FMNL2: variants seen among roughly 807,000 people sequenced by gnomAD.
FMNL2 encodes the protein formin like 2.
Under a neutral mutation model 130.2 loss-of-function variants are expected in FMNL2, and 51 were observed. That is an observed-to-expected ratio of 0.39 (90% CI 0.31 to 0.49). The LOEUF is 0.49. Among genes scored for constraint, FMNL2 ranks in the 20% least tolerant of loss-of-function variants. The pLI is 0.85. For missense variants in FMNL2, 977 were observed against 1,316.2 expected (o/e 0.74, Z 3.99); for synonymous variants, 465 against 467.1 (o/e 1.00, Z 0.06).
intron 2 of FMNL2, among the ~76,000 whole-genome samples, chr2:152,522,912 G>A (rs190457706): frequency 5.9e-5 from 9 of 152,236 alleles, no homozygotes; most frequent in African/African-American, 1.7e-4. Context: ...TAGATTTCCA[G>A]TCTAAAAATA....
At chr2:152,350,028 A>T (rs1682383928) in intron 1 of FMNL2, among the ~76,000 whole-genome samples, 1 of 152,152 alleles carries the variant, frequency 6.6e-6, no homozygotes, top group Non-Finnish European at 1.5e-5. Flanking sequence ...TAGAGGGGGA[A>T]GCCAGACCTG....
chr2:152,569,424 G>A (rs1430839898), intron 6 of FMNL2, among the ~76,000 whole-genome samples: 1 of 152,106 alleles, frequency 6.6e-6, no homozygotes, highest in Non-Finnish European at 1.5e-5. Context: ...TGTTCCATTT[G>A]TGCTCCTTGA....
At chr2:152,599,339 G>A (rs746128490) in intron 9 of FMNL2, among the ~76,000 whole-genome samples, 3 of 145,686 alleles carry the variant, frequency 2.1e-5, no homozygotes, top group East Asian at 2.2e-4. Flanking sequence ...AGCATATTTC[G>A]GAAAGAGATC....
At chr2:152,585,093 CA>C (rs1696994684) in intron 9 of FMNL2, among the ~76,000 whole-genome samples, 1 of 152,152 alleles carries the variant, frequency 6.6e-6, no homozygotes, top group Non-Finnish European at 1.5e-5. Flanking sequence ...TGCCTGAAAA[CA>C]TGAGTGTATT....
At chr2:152,497,865 A>G (rs965789094) in intron 1 of FMNL2, among the ~76,000 whole-genome samples, 2 of 152,096 alleles carry the variant, frequency 1.3e-5, no homozygotes, top group Non-Finnish European at 1.5e-5. Flanking sequence ...ATATCATCTG[A>G]GGCTTGGGAG....
intron 8 of FMNL2, 105 bp from the exon 9 acceptor site, chr2:152,580,851 A>C: frequency 9.4e-7 from 1 of 1,062,364 alleles, no homozygotes; most frequent in Non-Finnish European, 1.4e-6. Flanking sequence ...TTTTTTAAAA[A>C]TGTAAGGGCA....
At chr2:152,566,466 C>T (rs1302401971) in intron 6 of FMNL2, among the ~76,000 whole-genome samples, 2 of 152,160 alleles carry the variant, frequency 1.3e-5, no homozygotes, top group Non-Finnish European at 2.9e-5. Flanking sequence ...AACAACTTGC[C>T]TTGGGTCGAA....
chr2:152,474,813 C>G (rs1052656645), intron 1 of FMNL2, among the ~76,000 whole-genome samples: 1 of 152,140 alleles, frequency 6.6e-6, no homozygotes, highest in Non-Finnish European at 1.5e-5. Context: ...AGCCATGGAG[C>G]TTTTATTTAA....
chr2:152,558,310 T>C (rs1695337486), intron 4 of FMNL2, among the ~76,000 whole-genome samples: 1 of 152,190 alleles, frequency 6.6e-6, no homozygotes. Flanking sequence ...GACTTGAACT[T>C]GGATTTGGAA....
chr2:152,370,715 C>T (rs1380145796), intron 1 of FMNL2, among the ~76,000 whole-genome samples: 4 of 152,170 alleles, frequency 2.6e-5, no homozygotes, highest in Non-Finnish European at 4.4e-5. Flanking sequence ...CATCCCAAAA[C>T]AGGAAATGCC....
At chr2:152,487,703 C>T (rs185638858) in intron 1 of FMNL2, among the ~76,000 whole-genome samples, 20 of 151,620 alleles carry the variant, frequency 1.3e-4, no homozygotes, top group Admixed American at 1.3e-3. Flanking sequence ...AGAAATGGGT[C>T]TAGGTTTATA....
intron 9 of FMNL2, among the ~76,000 whole-genome samples, chr2:152,603,999 G>A (rs1326384444): frequency 6.6e-6 from 1 of 150,988 alleles, no homozygotes; most frequent in African/African-American, 2.4e-5. Flanking sequence ...GGCCCATCTG[G>A]GGAGATTCTT....
intron 1 of FMNL2, among the ~76,000 whole-genome samples, chr2:152,452,188 A>G (rs1340998043): frequency 1.3e-5 from 2 of 152,000 alleles, no homozygotes; most frequent in Non-Finnish European, 2.9e-5. Context: ...CAGTTGAGGG[A>G]CTTGCTCCCC....
intron 1 of FMNL2, among the ~76,000 whole-genome samples, chr2:152,458,878 T>G (rs1689091866): frequency 6.6e-6 from 1 of 152,188 alleles, no homozygotes; most frequent in Non-Finnish European, 1.5e-5. Flanking sequence ...AAGGCAAGTT[T>G]TAATGAAGAG....
chr2:152,490,346 T>C (rs779415138), intron 1 of FMNL2, among the ~76,000 whole-genome samples: 40 of 152,262 alleles, frequency 2.6e-4, no homozygotes, highest in Middle Eastern at 6.8e-3. Context: ...GCTATTTGTG[T>C]TCATTTTGTC....
At chr2:152,638,220 T>C (rs930035786) in intron 23 of FMNL2, among the ~76,000 whole-genome samples, 43 of 152,212 alleles carry the variant, frequency 2.8e-4, no homozygotes, top group Non-Finnish European at 5.3e-4. Flanking sequence ...TGGGAGGCCC[T>C]CTTGGACATA....
intron 1 of FMNL2, among the ~76,000 whole-genome samples, chr2:152,373,202 A>G (rs1344728293): frequency 1.3e-5 from 2 of 152,220 alleles, no homozygotes; most frequent in East Asian, 1.9e-4. Flanking sequence ...ATATTATGAG[A>G]CTATTCAAGG....
intron 1 of FMNL2, among the ~76,000 whole-genome samples, chr2:152,491,732 C>G (rs1049159465): frequency 2.0e-5 from 3 of 152,184 alleles, no homozygotes; most frequent in Non-Finnish European, 4.4e-5. Context: ...GAGAGGATCA[C>G]TTAAGGTCAG....
chr2:152,444,774 T>G (rs941943464), intron 1 of FMNL2, among the ~76,000 whole-genome samples: 14 of 152,204 alleles, frequency 9.2e-5, no homozygotes, highest in African/African-American at 2.7e-4. Context: ...TAGAGTCGAT[T>G]GAATGTTCAG....
Sources: allele counts gnomAD v4.1 joint callset (sites outside exome capture counted in the v4.1 genomes callset), GRCh38; gene constraint gnomAD v4.1.1; transcripts MANE v1.5; gene names NCBI Gene and HGNC (gene_info 2026-07-23, HGNC 2026-07-21).